CALN1: variants seen among roughly 807,000 people sequenced by gnomAD.
CALN1 encodes calneuron 1.
In CALN1, 17 loss-of-function variants were observed where a neutral mutation model predicts 30.6. The observed-to-expected ratio is 0.56, with a 90% CI of 0.38 to 0.83. The LOEUF (loss-of-function observed/expected upper bound fraction) is 0.83, where lower values mean the gene tolerates loss of function less well. Among genes scored for constraint, CALN1 ranks in the 40% least tolerant of loss-of-function variants. The probability of loss-of-function intolerance (pLI) is 0.00; values close to 1 mark genes in which losing one functional copy is unlikely to be tolerated. For synonymous variants in CALN1, 156 were observed against 131.4 expected, an observed-to-expected ratio of 1.19 and a Z score of -1.28; for missense variants, 291 against 354.9, an observed-to-expected ratio of 0.82 and a Z score of 1.45.
intron 3 of CALN1, among the ~76,000 whole-genome samples, chr7:72,268,059 G>T (rs1796712072): frequency 6.6e-6 from 1 of 152,116 alleles, no homozygotes; most frequent in Admixed American, 6.5e-5. Flanking sequence ...ATAATAGGAT[G>T]ATTGAAAAGG....
chr7:72,503,254 TTTTAC>T, the CALN1 span, among the ~76,000 whole-genome samples: 1 of 152,144 alleles, frequency 6.6e-6, no homozygotes, highest in Non-Finnish European at 1.5e-5. Context: ...GGATGATCAT[TTTTAC>T]TTAACTCCCC....
chr7:72,360,301 C>G (rs951597075), intron 2 of CALN1, among the ~76,000 whole-genome samples: 5 of 151,976 alleles, frequency 3.3e-5, no homozygotes, highest in African/African-American at 1.2e-4. Flanking sequence ...GTGATGTTTT[C>G]CATTTATTTC....
intron 5 of CALN1, among the ~76,000 whole-genome samples, chr7:71,878,948 T>C (rs1412630047): frequency 2.0e-5 from 3 of 152,072 alleles, no homozygotes; most frequent in Admixed American, 2.0e-4. Context: ...GGGTCAGGGA[T>C]GGGGTGCTGG....
intron 5 of CALN1, among the ~76,000 whole-genome samples, chr7:71,957,091 C>A (rs1319144552): frequency 6.6e-6 from 1 of 151,926 alleles, no homozygotes; most frequent in East Asian, 1.9e-4. Context: ...AATGAGACAC[C>A]GAGAGAAGCT....
In CALN1 at chr7:71,782,500, G is replaced by A. The variant is rs931620391; in HGVS notation, c.*5275C>T. ...CTCTTTTCTTTATAAATTACCCAGT[G>A]TTAAGGTATTCCTTTATAGCAATGC... On this transcript the variant is annotated 3_prime_UTR_variant, in exon 7 of 7. Transcript: ENST00000395275. 6.6e-6 allele frequency: 1 copy of A among 152,172 alleles called. No individual in the cohort carries two copies. The allele number at this position is 152,172 out of a possible 1,614,324, so 9.4% of individuals were successfully genotyped here.
intron 5 of CALN1, among the ~76,000 whole-genome samples, chr7:71,850,406 T>C (rs1790569868): frequency 1.3e-5 from 2 of 151,952 alleles, no homozygotes; most frequent in African/African-American, 4.8e-5. Context: ...TTAGTAGAGA[T>C]GGGGTTTTGC....
intron 3 of CALN1, among the ~76,000 whole-genome samples, chr7:72,233,377 G>C (rs544155085): frequency 6.6e-6 from 1 of 152,130 alleles, no homozygotes; most frequent in South Asian, 2.1e-4. Flanking sequence ...AAGGGGCTAA[G>C]GGGAGAAGAG....
At chr7:72,256,505 T>TA (rs762096596) in intron 3 of CALN1, among the ~76,000 whole-genome samples, 40 of 152,104 alleles carry the variant, frequency 2.6e-4, no homozygotes, top group South Asian at 6.2e-4. Flanking sequence ...CACATACTTC[T>TA]AAAAAAGATG....
intron 6 of CALN1, among the ~76,000 whole-genome samples, chr7:71,798,101 CAG>C (rs1442774210): frequency 1.3e-5 from 1 of 76,874 alleles, no homozygotes; most frequent in Admixed American, 1.4e-4. Context: ...GAGAGAGAGA[CAG>C]AGAGAGACAG....
At chr7:72,348,969 G>T (rs1393000541) in intron 2 of CALN1, among the ~76,000 whole-genome samples, 1 of 152,148 alleles carries the variant, frequency 6.6e-6, no homozygotes, top group Non-Finnish European at 1.5e-5. Flanking sequence ...CAGCTATTAG[G>T]ATGTTCAAGG....
At chr7:72,147,747 A>C (rs529505130) in intron 3 of CALN1, among the ~76,000 whole-genome samples, 2 of 152,140 alleles carry the variant, frequency 1.3e-5, no homozygotes, top group South Asian at 4.1e-4. Flanking sequence ...GCACATATAC[A>C]CCATGGAATA....
At chr7:72,502,921 A>G in the CALN1 span, among the ~76,000 whole-genome samples, 5 of 152,256 alleles carry the variant, frequency 3.3e-5, no homozygotes, top group African/African-American at 1.2e-4. Flanking sequence ...GGGGAGCCAA[A>G]GGAGGCAGAT....
At chr7:72,417,224 C>T (rs1436687977), upstream of CALN1, among the ~76,000 whole-genome samples, 1 of 152,182 alleles carries the variant, frequency 6.6e-6, no homozygotes. Flanking sequence ...GTGAGATGCC[C>T]CGTGCAATGG....
intron 2 of CALN1, among the ~76,000 whole-genome samples, chr7:72,396,460 G>A (rs961927552): frequency 3.3e-5 from 5 of 149,674 alleles, no homozygotes; most frequent in African/African-American, 1.2e-4. Flanking sequence ...TGGAGAAATA[G>A]AGCAATGTAT....
At chr7:72,028,058 CAAAAAAAAAAA>C (rs34092922) in intron 4 of CALN1, among the ~76,000 whole-genome samples, 4 of 82,756 alleles carry the variant, frequency 4.8e-5, no homozygotes, top group African/African-American at 6.8e-5. Context: ...GACTCCGTCT[CAAAAAAAAAAA>C]AAAAAAAAAA....
intron 5 of CALN1, among the ~76,000 whole-genome samples, chr7:71,937,365 T>C (rs1232561129): frequency 1.3e-5 from 2 of 151,992 alleles, no homozygotes; most frequent in Middle Eastern, 3.4e-3. Context: ...TGTGTATATA[T>C]GTAGATACAC....
chr7:72,055,585 C>T (rs1803200759), intron 4 of CALN1, among the ~76,000 whole-genome samples: 1 of 151,918 alleles, frequency 6.6e-6, no homozygotes, highest in Non-Finnish European at 1.5e-5. Context: ...AATAAAATTG[C>T]AACAGACAAA....
intron 2 of CALN1, among the ~76,000 whole-genome samples, chr7:72,400,344 T>C (rs1197622982): frequency 6.6e-6 from 1 of 152,164 alleles, no homozygotes; most frequent in African/African-American, 2.4e-5. Flanking sequence ...CTCCATTTAA[T>C]CACTGTCAAA....
upstream of CALN1, among the ~76,000 whole-genome samples, chr7:72,413,233 TCACA>T (rs982182834): frequency 2.2e-4 from 32 of 148,108 alleles, no homozygotes; most frequent in African/African-American, 6.7e-4. Context: ...ACATATACAC[TCACA>T]CACACCACAC....
Sources: allele counts gnomAD v4.1 joint callset (sites outside exome capture counted in the v4.1 genomes callset), GRCh38; gene constraint gnomAD v4.1.1; transcripts MANE v1.5; gene names NCBI Gene and HGNC (gene_info 2026-07-23, HGNC 2026-07-21).